The following CADPS variants were observed in gnomAD, a reference collection of about 807,000 sequenced individuals.
CADPS encodes calcium dependent secretion activator.
A neutral mutation model predicts 167.3 loss-of-function variants in CADPS; 57 were observed. That is an observed-to-expected ratio of 0.34 (90% CI 0.28 to 0.42). The LOEUF (loss-of-function observed/expected upper bound fraction) is 0.42, where lower values mean the gene tolerates loss of function less well. Among genes scored for constraint, CADPS ranks in the 20% least tolerant of loss-of-function variants. The pLI, the probability that CADPS is intolerant of heterozygous loss-of-function variation, is 1.00. For missense variants in CADPS, 1,414 were observed against 1,738.1 expected, an observed-to-expected ratio of 0.81 and a Z score of 3.32; for synonymous variants, 676 against 635.3, an observed-to-expected ratio of 1.06 and a Z score of -0.96.
At chr3:62,731,770 G>A (rs1216351126) in intron 3 of CADPS, among the ~76,000 whole-genome samples, 1 of 122,222 alleles carries the variant, frequency 8.2e-6, no homozygotes, top group Non-Finnish European at 1.6e-5. Flanking sequence ...TGCCCTCATG[G>A]AGCTGACTTC....
intron 3 of CADPS, among the ~76,000 whole-genome samples, chr3:62,699,896 T>C (rs2081080938): frequency 6.6e-6 from 1 of 152,086 alleles, no homozygotes; most frequent in Non-Finnish European, 1.5e-5. Flanking sequence ...GACACACCTA[T>C]TTGTTTACAT....
At chr3:62,408,069 T>A (rs1390332779) in intron 28 of CADPS, among the ~76,000 whole-genome samples, 6 of 152,172 alleles carry the variant, frequency 3.9e-5, no homozygotes, top group African/African-American at 1.2e-4. Flanking sequence ...CAGAAAGACA[T>A]TTTTTTGATC....
chr3:62,640,191 G>C (rs192794633), intron 6 of CADPS, among the ~76,000 whole-genome samples: 418 of 152,268 alleles, frequency 2.7e-3, no homozygotes, highest in African/African-American at 8.2e-3. Flanking sequence ...GAATATCAAA[G>C]AAGCCATTCA....
rs528642036 is a variant in CADPS at position 62,565,725 on chromosome 3, T to A, written c.1644+5147A>T. On this transcript the variant is annotated intron_variant, in intron 9 of 29. Coordinates refer to ENST00000383710, the MANE Select transcript of CADPS (RefSeq NM_003716.4). ...GACTCTAGCCACATCTATAGTAATT[T>A]TAGCTCTGATCCTTAAGAAATGGGA... 5.9e-5 allele frequency among the ~76,000 whole-genome samples: 9 copies of A among 152,316 alleles called. No individual in the cohort carries two copies. In the East Asian group the frequency reaches 1.5e-3, roughly 26 times the overall value.
rs1051610516 is a variant in CADPS at position 62,514,742 on chromosome 3, C to T, written c.2581+1317G>A. Among the ~76,000 whole-genome samples, 1 of 152,122 alleles carries T rather than the reference C, an allele frequency of 6.6e-6. No individual in the cohort carries two copies. Among genetic ancestry groups the T allele is most frequent in the African/African-American group, 2.4e-5 (1 of 41,440 alleles). On this transcript the variant is annotated intron_variant, in intron 16 of 29. Coordinates refer to ENST00000383710, the MANE Select transcript of CADPS (RefSeq NM_003716.4). This position sits in a 1 kb window ranked among gnomAD's most constrained non-coding sequence, Gnocchi z 4.2. Reference sequence around the variant, plus strand: ...CATGGCAACAGAACGTTTCTTGATCCCATCCCATCTCTGGACTTGCCTAGA... The same window carrying T: ...CATGGCAACAGAACGTTTCTTGATCTCATCCCATCTCTGGACTTGCCTAGA...
At chr3:62,697,532 A>C (rs1374640568) in intron 3 of CADPS, among the ~76,000 whole-genome samples, 1 of 152,072 alleles carries the variant, frequency 6.6e-6, no homozygotes, top group South Asian at 2.1e-4. Flanking sequence ...CTGGTTCCAT[A>C]TTTTTGCAGT....
intron 6 of CADPS, among the ~76,000 whole-genome samples, chr3:62,632,003 A>G (rs2065374438): frequency 1.3e-5 from 2 of 152,238 alleles, no homozygotes; most frequent in African/African-American, 2.4e-5. Context: ...GGCAATGCCA[A>G]TAATGAAAAG....
intron 1 of CADPS, among the ~76,000 whole-genome samples, chr3:62,865,145 C>T (rs1243910352): frequency 6.6e-6 from 1 of 152,142 alleles, no homozygotes; most frequent in Non-Finnish European, 1.5e-5. Flanking sequence ...TATACTTCAA[C>T]TCATTTGCTT....
intron 1 of CADPS, among the ~76,000 whole-genome samples, chr3:62,824,166 CAAAAAAAAA>C (rs3047274): frequency 7.1e-5 from 9 of 126,654 alleles, no homozygotes; most frequent in Non-Finnish European, 1.7e-5. Context: ...GCTATAACTT[CAAAAAAAAA>C]AAAAAAAGAA....
At chr3:62,595,691 G>C (rs1562641929) in intron 6 of CADPS, among the ~76,000 whole-genome samples, 1 of 152,138 alleles carries the variant, frequency 6.6e-6, no homozygotes, top group Non-Finnish European at 1.5e-5. Context: ...TTATAGCTAT[G>C]ATGGTTAATA....
chr3:62,691,506 A>C (rs563594696), intron 3 of CADPS, among the ~76,000 whole-genome samples: 1 of 151,564 alleles, frequency 6.6e-6, no homozygotes, highest in African/African-American at 2.4e-5. Context: ...AGGTTTACTT[A>C]AAAAAAAATT....
chr3:62,548,288 T>C (rs1159142148), intron 11 of CADPS, among the ~76,000 whole-genome samples: 1 of 152,204 alleles, frequency 6.6e-6, no homozygotes, highest in African/African-American at 2.4e-5. Context: ...ACTATTACTC[T>C]CTTTACTGCT....
In CADPS at chr3:62,549,866, T is replaced by G. The variant is rs1225894673; in HGVS notation, c.1966+37A>C. 3 of 1,525,378 alleles carry G rather than the reference T, an allele frequency of 2.0e-6. No homozygotes were observed. In the South Asian group the frequency reaches 3.4e-5, roughly 17 times the overall value. 94.5% of individuals were successfully genotyped at this position (1,525,378 alleles called of 1,614,324 possible). A position where few individuals can be genotyped will look rare whatever the true frequency, so the allele number is the denominator to read the frequency against. Reference sequence around the variant, plus strand: ...CAACTTTGGAAGGTTTACTTTACTCTACAGAGCTATTTTTGTAAAACGGCA... The same window carrying G: ...CAACTTTGGAAGGTTTACTTTACTCGACAGAGCTATTTTTGTAAAACGGCA... On this transcript the variant is annotated intron_variant, in intron 11 of 29. Transcript: ENST00000383710.
rs1577960256 is a variant in CADPS at position 62,567,599 on chromosome 3, G to A, written c.1644+3273C>T. On this transcript the variant is annotated intron_variant, in intron 9 of 29. Transcript: ENST00000383710. ...TTTTTTTTTTTTTTTTTTTTTTTTA[G>A]AGTCTCACTCTGTCTCCCAGGCTGG... is the stretch of plus-strand genomic sequence containing the variant. Among the ~76,000 whole-genome samples, 7 of 81,782 alleles carry A rather than the reference G, an allele frequency of 8.6e-5. 1 individual carries two copies. The South Asian group carries it at 2.9e-3, about 34-fold the overall frequency. 53.7% of individuals were successfully genotyped at this position (81,782 alleles called of 152,430 possible).
intron 1 of CADPS, among the ~76,000 whole-genome samples, chr3:62,771,661 G>C (rs1333754159): frequency 6.6e-6 from 1 of 152,064 alleles, no homozygotes; most frequent in Non-Finnish European, 1.5e-5. Context: ...TGTACATCAA[G>C]GTCAGAATTC....
At chr3:62,471,768 G>C (rs1356668519) in intron 24 of CADPS, among the ~76,000 whole-genome samples, 1 of 152,054 alleles carries the variant, frequency 6.6e-6, no homozygotes, top group African/African-American at 2.4e-5. Context: ...AGGGGAAATA[G>C]GTCAACTGCA....
chr3:62,479,819 G>A lies in CADPS; in HGVS notation c.3174-1403C>T, dbSNP rs554642345. On this transcript the variant is annotated intron_variant, in intron 22 of 29. Coordinates refer to ENST00000383710, the MANE Select transcript of CADPS (RefSeq NM_003716.4). ...CCACGCCTTCTTTTCAGATACTGCC[G>A]TGAGCATTGTTCAAAAGTGGGGGAA... is the stretch of plus-strand genomic sequence containing the variant. Among the ~76,000 whole-genome samples the A allele has an allele frequency of 9.2e-5, 14 of 152,326 alleles. No individual in the cohort carries two copies. The South Asian group carries it at 1.2e-3, about 14-fold the overall frequency.
intron 14 of CADPS, among the ~76,000 whole-genome samples, chr3:62,517,031 C>G (rs1447024111): frequency 6.6e-6 from 1 of 152,088 alleles, no homozygotes; most frequent in Non-Finnish European, 1.5e-5. Flanking sequence ...TTACTTAAGT[C>G]CCCAAAAGAT....
At chr3:62,715,369 TCTAC>T (rs72434398) in intron 3 of CADPS, among the ~76,000 whole-genome samples, 1,845 of 149,116 alleles carry the variant, frequency 0.012, 25 homozygotes, top group East Asian at 0.022. Context: ...TATCTATCTA[TCTAC>T]CTATCTATCT....
Sources: gnomAD v4.1 joint callset for allele counts (sites outside exome capture counted in the v4.1 genomes callset) on GRCh38, gnomAD v4.1.1 for gene constraint, Gnocchi (gnomAD v3.1) non-coding constraint, MANE v1.5 for transcripts, NCBI Gene and HGNC (gene_info 2026-07-23, HGNC 2026-07-21) for gene names.